The following SPART variants were observed in gnomAD, a reference collection of about 807,000 sequenced individuals.
SPART encodes spastic paraplegia 20 (Troyer syndrome).
In SPART, 35 loss-of-function variants were observed where a neutral mutation model predicts 58.7. That is an observed-to-expected ratio of 0.60 (90% CI 0.46 to 0.79). The LOEUF (loss-of-function observed/expected upper bound fraction) is 0.79, where lower values mean the gene tolerates loss of function less well. Among genes scored for constraint, SPART ranks in the 30% least tolerant of loss-of-function variants. The pLI, the probability that SPART is intolerant of heterozygous loss-of-function variation, is 0.00. For missense variants in SPART, 730 were observed against 786.1 expected (o/e 0.93, Z 0.85); for synonymous variants, 284 against 280.7 (o/e 1.01, Z -0.12).
intron 3 of SPART, 39 bp downstream of exon 3, chr13:36,331,360 G>C (rs1374326836): frequency 6.4e-7 from 1 of 1,572,742 alleles, no homozygotes; most frequent in African/African-American, 1.3e-5. Flanking sequence ...TTATGTTAAA[G>C]TAGATTTTTT....
chr13:36,330,412 C>T (rs1362809915), intron 3 of SPART, among the ~76,000 whole-genome samples: 1 of 140,626 alleles, frequency 7.1e-6, no homozygotes, highest in African/African-American at 2.8e-5. Context: ...TGAACAGGGG[C>T]TGATTTTATA....
intron 8 of SPART, among the ~76,000 whole-genome samples, chr13:36,310,588 C>A (rs1191793150): frequency 1.3e-5 from 2 of 152,162 alleles, no homozygotes; most frequent in African/African-American, 4.8e-5. Flanking sequence ...CTCTCTCCCC[C>A]ATGCGGTTGT....
rs2137241297 is a variant in SPART at position 36,303,041 on chromosome 13, T to G, written c.*1324A>C. 1 of 152,330 alleles carries G rather than the reference T, an allele frequency of 6.6e-6. No individual in the cohort carries two copies. The highest frequency in any genetic ancestry group is 3.4e-3 in the Middle Eastern group (1 of 294). 9.4% of individuals were successfully genotyped at this position (152,330 alleles called of 1,614,324 possible). A position where few individuals can be genotyped will look rare whatever the true frequency, so the allele number is the denominator to read the frequency against. ...CTGTAAGCTATTTACCACTTCACTTTTATTTCCATTTTAACAACTAGTACA... is the reference window on the plus strand; with the variant it reads ...CTGTAAGCTATTTACCACTTCACTTGTATTTCCATTTTAACAACTAGTACA... On this transcript the variant is annotated 3_prime_UTR_variant, in exon 9 of 9. Transcript: ENST00000438666.
intron 2 of SPART, 28 bp from the exon 3 acceptor site, chr13:36,331,624 AT>A (rs577765459): frequency 5.0e-5 from 74 of 1,471,344 alleles, no homozygotes; most frequent in South Asian, 3.4e-4. Flanking sequence ...AAGAAAAAAA[AT>A]ATACATATAA....
At chr13:36,336,030 A>C (rs1213875180) in intron 1 of SPART, among the ~76,000 whole-genome samples, 198 bp from the exon 2 acceptor site, 1 of 152,254 alleles carries the variant, frequency 6.6e-6, no homozygotes, top group Non-Finnish European at 1.5e-5. Context: ...ATGGATAAAT[A>C]AATGAAAACT....
At chr13:36,367,082 G>C (rs1395888331) in intron 1 of SPART, among the ~76,000 whole-genome samples, 1 of 152,196 alleles carries the variant, frequency 6.6e-6, no homozygotes, top group African/African-American at 2.4e-5. Flanking sequence ...AGTTAGTGTG[G>C]CATCTCCACA....
intron 1 of SPART, among the ~76,000 whole-genome samples, chr13:36,338,929 T>C (rs542613137): frequency 5.9e-5 from 9 of 152,110 alleles, no homozygotes; most frequent in East Asian, 3.9e-4. Flanking sequence ...GTTCCACCCA[T>C]AGAATCTCAG....
Position 36,304,063 on chromosome 13 carries a change from G to C in SPART, c.*302C>G, listed in dbSNP as rs1043806325. 5.2e-6 allele frequency: 2 copies of C among 386,694 alleles called. No individual in the cohort carries two copies. The highest frequency in any genetic ancestry group is 9.4e-6 in the Non-Finnish European group (2 of 213,162). 24.0% of individuals were successfully genotyped at this position (386,694 alleles called of 1,614,324 possible). On this transcript the variant is annotated 3_prime_UTR_variant, in exon 9 of 9. Coordinates refer to ENST00000438666, the MANE Select transcript of SPART (RefSeq NM_015087.5). ...AGATATAAAAATAGTTCAATATTAG[G>C]TTTAACAAGGTTTGAACAACACATG...
chr13:36,335,320 G>T lies in SPART; in HGVS notation c.511C>A (p.Pro171Thr), dbSNP rs141913656. Residue 171 changes from proline (P) to threonine (T), a missense_variant, in exon 2 of 9, where the codon CCT becomes ACT. Coordinates refer to ENST00000438666, the MANE Select transcript of SPART (RefSeq NM_015087.5). Reference sequence around the variant, plus strand: ...GCAGCTTGAGGAGTATAAGCAGGAGGAGCTTCTGCTGGACAACTTTGTGAT... The same window carrying T: ...GCAGCTTGAGGAGTATAAGCAGGAGTAGCTTCTGCTGGACAACTTTGTGAT... Reference protein sequence around the residue: ...LPSQSCPAEAPPAYTPQAAEG... With the variant: ...LPSQSCPAEATPAYTPQAAEG... The T allele has an allele frequency of 2.5e-6, 4 of 1,614,000 alleles. No homozygotes were observed. Among genetic ancestry groups the T allele is most frequent in the Admixed American group, 1.7e-5 (1 of 60,018 alleles).
At chr13:36,318,672 T>C (rs1416783442) in intron 5 of SPART, among the ~76,000 whole-genome samples, 3 of 152,152 alleles carry the variant, frequency 2.0e-5, no homozygotes, top group African/African-American at 7.2e-5. Context: ...TGAACCGCAG[T>C]GGCCAGGCGT....
At chr13:36,315,725 C>A (rs1195722395) in intron 5 of SPART, among the ~76,000 whole-genome samples, 1 of 152,132 alleles carries the variant, frequency 6.6e-6, no homozygotes, top group Non-Finnish European at 1.5e-5. Context: ...AAAAAATTAT[C>A]TTTTTAGATT....
upstream of SPART, among the ~76,000 whole-genome samples, chr13:36,350,342 GA>G (rs1014407916): frequency 1.8e-4 from 28 of 152,288 alleles, no homozygotes; most frequent in African/African-American, 6.5e-4. Flanking sequence ...GTTTTATACT[GA>G]AATAATTACA....
chr13:36,348,663 T>C (rs1885292416), upstream of SPART, among the ~76,000 whole-genome samples: 1 of 152,196 alleles, frequency 6.6e-6, no homozygotes, highest in Non-Finnish European at 1.5e-5. Flanking sequence ...ACTTGTATGC[T>C]GAAGACCATA....
chr13:36,360,473 G>A (rs982233041), intron 1 of SPART, among the ~76,000 whole-genome samples: 1 of 151,820 alleles, frequency 6.6e-6, no homozygotes, highest in African/African-American at 2.4e-5. Flanking sequence ...GATGACACTA[G>A]GAGCTATTTC....
chr13:36,360,239 G>A (rs1419576777), intron 1 of SPART, among the ~76,000 whole-genome samples: 2 of 12,144 alleles, frequency 1.6e-4, no homozygotes, highest in African/African-American at 1.3e-3. Context: ...AGGTTGCAGT[G>A]AGCCAAGATT....
intron 5 of SPART, among the ~76,000 whole-genome samples, chr13:36,322,483 C>G (rs1050877694): frequency 6.6e-6 from 1 of 152,068 alleles, no homozygotes; most frequent in Non-Finnish European, 1.5e-5. Context: ...ACACAGAAGT[C>G]CCAAATCACA....
intron 8 of SPART, among the ~76,000 whole-genome samples, chr13:36,306,471 T>C (rs748852682): frequency 3.9e-5 from 6 of 152,112 alleles, no homozygotes; most frequent in Non-Finnish European, 7.4e-5. Context: ...AGTGACACCA[T>C]AACTCAACAT....
chr13:36,305,948 T>C (rs991853424), intron 8 of SPART, among the ~76,000 whole-genome samples: 1 of 152,206 alleles, frequency 6.6e-6, no homozygotes, highest in Non-Finnish European at 1.5e-5. Flanking sequence ...AAGTCCTCTA[T>C]TACTAAATAG....
At chr13:36,324,976 C>G (rs575916589) in intron 5 of SPART, among the ~76,000 whole-genome samples, 5 of 152,218 alleles carry the variant, frequency 3.3e-5, no homozygotes, top group African/African-American at 1.2e-4. Flanking sequence ...CAAGGACCAG[C>G]CATTTTCACT....
Sources: allele counts gnomAD v4.1 joint callset (sites outside exome capture counted in the v4.1 genomes callset), GRCh38; gene constraint gnomAD v4.1.1; transcripts MANE v1.5; gene names NCBI Gene and HGNC (gene_info 2026-07-23, HGNC 2026-07-21).